C1orf21: variants seen among roughly 807,000 people sequenced by gnomAD.
The protein encoded by C1orf21 is uncharacterized protein C1orf21.
Under a neutral mutation model 18.7 loss-of-function variants are expected in C1orf21, and 3 were observed. That is an observed-to-expected ratio of 0.16 (90% CI 0.07 to 0.42). The LOEUF is 0.42. Among genes scored for constraint, C1orf21 ranks in the 10% least tolerant of loss-of-function variants. The pLI, the probability that C1orf21 is intolerant of heterozygous loss-of-function variation, is 0.99. For missense variants in C1orf21, 104 were observed against 143.6 expected, an observed-to-expected ratio of 0.72 and a Z score of 1.41; for synonymous variants, 41 against 46.4, an observed-to-expected ratio of 0.88 and a Z score of 0.47.
intron 5 of C1orf21, among the ~76,000 whole-genome samples, chr1:184,605,710 T>C (rs1307700004): frequency 6.6e-6 from 1 of 152,206 alleles, no homozygotes; most frequent in Admixed American, 6.5e-5. Context: ...CAGGTTAAGT[T>C]AAACTCTCTG....
Position 184,624,288 on chromosome 1 carries a change from A to G in C1orf21, c.*4732A>G, listed in dbSNP as rs753667416. On this transcript the variant is annotated 3_prime_UTR_variant, in exon 6 of 6. Coordinates refer to ENST00000235307, the MANE Select transcript of C1orf21 (RefSeq NM_030806.4). The stretch of plus-strand genomic sequence containing the variant: ...ATTTGGCCTCCCCTATCTGAGCTGC[A>G]CACACACCAGGGGAGGCCACTGGCT... The G allele has an allele frequency of 4.6e-5, 7 of 152,538 alleles. No homozygotes were observed. Among genetic ancestry groups the G allele is most frequent in the Admixed American group, 2.6e-4 (4 of 15,272 alleles). The allele number at this position is 152,538 out of a possible 1,614,324, so 9.4% of individuals were successfully genotyped here.
At chr1:184,407,157 T>C (rs1000600499) in intron 1 of C1orf21, among the ~76,000 whole-genome samples, 3 of 152,140 alleles carry the variant, frequency 2.0e-5, no homozygotes, top group Admixed American at 1.3e-4. Flanking sequence ...AAAAAAAATT[T>C]AGAGACAGGG....
At chr1:184,436,569 A>G (rs991874137) in intron 1 of C1orf21, among the ~76,000 whole-genome samples, 2 of 152,068 alleles carry the variant, frequency 1.3e-5, no homozygotes, top group African/African-American at 4.8e-5. Context: ...TCCCTAAAGG[A>G]GAAAAAAAAA....
At position 184,483,780 on chromosome 1, in the gene C1orf21, G is replaced by A. The variant is rs893917193; in HGVS notation, c.94+6177G>A. 3.9e-5 allele frequency among the ~76,000 whole-genome samples: 6 copies of A among 152,176 alleles called. No individual in the cohort carries two copies. The East Asian group carries it at 5.8e-4, about 15-fold the overall frequency. Reference sequence around the variant, plus strand: ...ACCACTATCAGATCAGCTTTTTAAAGTACTCCTCTGTTGGTATTAAATCTT... The same window carrying A: ...ACCACTATCAGATCAGCTTTTTAAAATACTCCTCTGTTGGTATTAAATCTT... On this transcript the variant is annotated intron_variant, in intron 2 of 5. Coordinates refer to ENST00000235307, the MANE Select transcript of C1orf21 (RefSeq NM_030806.4).
chr1:184,396,122 A>G (rs554144382), intron 1 of C1orf21, among the ~76,000 whole-genome samples: 6 of 152,318 alleles, frequency 3.9e-5, no homozygotes, highest in South Asian at 2.1e-4. Context: ...ATAGAGAGCA[A>G]TGGGAGATGA....
At chr1:184,568,559 C>G in intron 3 of C1orf21, 1 of 409,596 alleles carries the variant, frequency 2.4e-6, no homozygotes, top group Non-Finnish European at 5.0e-6. Flanking sequence ...GAAAATATTT[C>G]AAAGATATTT....
chr1:184,507,996 T>G (rs541095619), intron 3 of C1orf21, among the ~76,000 whole-genome samples: 1 of 152,286 alleles, frequency 6.6e-6, no homozygotes, highest in South Asian at 2.1e-4. Flanking sequence ...TTTAGTTTTG[T>G]TTTTTTCTAC....
chr1:184,432,633 G>A (rs919285611), intron 1 of C1orf21, among the ~76,000 whole-genome samples: 11 of 151,618 alleles, frequency 7.3e-5, no homozygotes, highest in African/African-American at 1.9e-4. Flanking sequence ...AAACCTGCAC[G>A]TTCTCCACAT....
At position 184,625,450 on chromosome 1, in the gene C1orf21, T is replaced by C. The variant is rs144176516; in HGVS notation, c.*5894T>C. The C allele has an allele frequency of 2.0e-5, 3 of 152,744 alleles. No individual in the cohort carries two copies. Among genetic ancestry groups the C allele is most frequent in the Admixed American group, 2.0e-4 (3 of 15,308 alleles). 9.5% of individuals were successfully genotyped at this position (152,744 alleles called of 1,614,324 possible). A position where few individuals can be genotyped will look rare whatever the true frequency, so the allele number is the denominator to read the frequency against. On this transcript the variant is annotated 3_prime_UTR_variant, in exon 6 of 6. Transcript: ENST00000235307. ...GCCAGTTTTTCCATTCAAACCAAGA[T>C]GCAAATTCATAAAATTACTCTTTTC...
chr1:184,549,323 T>G (rs1247335986), intron 3 of C1orf21, among the ~76,000 whole-genome samples: 1 of 152,214 alleles, frequency 6.6e-6, no homozygotes, highest in Non-Finnish European at 1.5e-5. Flanking sequence ...GACGCCTTCT[T>G]TAAAGTACTT....
intron 4 of C1orf21, among the ~76,000 whole-genome samples, chr1:184,597,041 G>A (rs951144486): frequency 6.6e-6 from 1 of 152,148 alleles, no homozygotes; most frequent in Non-Finnish European, 1.5e-5. Context: ...GGAAAACTCA[G>A]CTATGCAAAC....
chr1:184,437,752 A>C (rs890013346), intron 1 of C1orf21, among the ~76,000 whole-genome samples: 7 of 152,014 alleles, frequency 4.6e-5, no homozygotes, highest in Non-Finnish European at 1.0e-4. Context: ...TTATTATTAC[A>C]TTGTAATATA....
At chr1:184,612,298 T>A (rs2102009180) in intron 5 of C1orf21, among the ~76,000 whole-genome samples, 2 of 152,352 alleles carry the variant, frequency 1.3e-5, no homozygotes, top group East Asian at 3.9e-4. Flanking sequence ...GTCATGAGCC[T>A]TTATTACAAA....
chr1:184,456,526 T>A (rs1314059609), intron 1 of C1orf21, among the ~76,000 whole-genome samples: 1 of 152,350 alleles, frequency 6.6e-6, no homozygotes, highest in East Asian at 1.9e-4. Flanking sequence ...GGTTATGATA[T>A]GTTTATATTC....
chr1:184,614,067 C>T (rs1266344965), intron 5 of C1orf21, among the ~76,000 whole-genome samples: 3 of 152,232 alleles, frequency 2.0e-5, no homozygotes, highest in East Asian at 1.9e-4. Flanking sequence ...TGAGAAGCAC[C>T]GAGGCCCTTT....
intron 2 of C1orf21, among the ~76,000 whole-genome samples, chr1:184,492,005 T>G (rs1390414076): frequency 6.6e-6 from 1 of 152,232 alleles, no homozygotes; most frequent in Non-Finnish European, 1.5e-5. Flanking sequence ...AACGGAGCCA[T>G]CTTCATTCTT....
At chr1:184,443,521 A>G (rs913452622) in intron 1 of C1orf21, among the ~76,000 whole-genome samples, 46 of 152,150 alleles carry the variant, frequency 3.0e-4, no homozygotes, top group African/African-American at 1.1e-3. Flanking sequence ...GGCTCCTGAA[A>G]CCCTGAAAAG....
chr1:184,489,856 C>T (rs1197799017), intron 2 of C1orf21, among the ~76,000 whole-genome samples: 1 of 152,190 alleles, frequency 6.6e-6, no homozygotes, highest in Non-Finnish European at 1.5e-5. Context: ...CGATGGCAGT[C>T]TCTTTATTGT....
rs1428559240 is a variant in C1orf21, at chr1:184,590,947, A to C, written c.266+132A>C. 8.4e-6 allele frequency: 7 copies of C among 828,728 alleles called. No individual in the cohort carries two copies. In the African/African-American group the frequency reaches 1.0e-4, roughly 12 times the overall value. The allele number at this position is 828,728 out of a possible 1,614,324, so 51.3% of individuals were successfully genotyped here. A position where few individuals can be genotyped will look rare whatever the true frequency, so the allele number is the denominator to read the frequency against. On this transcript the variant is annotated intron_variant, in intron 4 of 5. Coordinates refer to ENST00000235307, the MANE Select transcript of C1orf21 (RefSeq NM_030806.4). ...ATTCTACAAAGTTCCAAAAAACAAA[A>C]TTTGAACTTGCCGCACACCAAGTAC...
Sources: allele counts gnomAD v4.1 joint callset (sites outside exome capture counted in the v4.1 genomes callset), GRCh38; gene constraint gnomAD v4.1.1; transcripts MANE v1.5; gene names NCBI Gene and HGNC (gene_info 2026-07-23, HGNC 2026-07-21).